Variants in DCDC1 observed in about 807,000 individuals in gnomAD.
DCDC1 encodes doublecortin domain containing 1.
In DCDC1, 200 loss-of-function variants were observed where a neutral mutation model predicts 178.3. The observed-to-expected ratio is 1.12, with a 90% confidence interval of 1.00 to 1.26. DCDC1 has a LOEUF of 1.26. Ranked by LOEUF, DCDC1 falls within the 50% of genes most tolerant of loss-of-function variation. DCDC1 has a pLI of 0.00. For missense variants in DCDC1, 1,983 were observed against 1,749.2 expected, an observed-to-expected ratio of 1.13 and a Z score of -2.38; for synonymous variants, 690 against 604.8, an observed-to-expected ratio of 1.14 and a Z score of -2.07.
chr11:31,141,048 TG>T (rs1370980434), intron 9 of DCDC1, among the ~76,000 whole-genome samples: 1 of 151,892 alleles, frequency 6.6e-6, no homozygotes, highest in African/African-American at 2.4e-5. Flanking sequence ...GAGGGGAAAA[TG>T]GACTCAAGAC....
chr11:30,983,735 T>C (rs1217666244), intron 20 of DCDC1, among the ~76,000 whole-genome samples: 5 of 152,218 alleles, frequency 3.3e-5, no homozygotes, highest in Admixed American at 2.0e-4. Flanking sequence ...TTTCACATTA[T>C]ATCTTTAAAA....
intron 9 of DCDC1, among the ~76,000 whole-genome samples, chr11:31,183,825 T>C (rs2136302495): frequency 6.6e-6 from 1 of 152,200 alleles, no homozygotes; most frequent in East Asian, 1.9e-4. Context: ...TGTTCATGGA[T>C]AGGAAGAATC....
chr11:30,953,462 A>T (rs1248774946), intron 20 of DCDC1, among the ~76,000 whole-genome samples: 4 of 151,870 alleles, frequency 2.6e-5, no homozygotes, highest in African/African-American at 9.7e-5. Context: ...ATATCCAAAG[A>T]TAAATTTATA....
intron 18 of DCDC1, among the ~76,000 whole-genome samples, chr11:31,065,493 T>C (rs991611870): frequency 1.3e-5 from 2 of 152,142 alleles, no homozygotes; most frequent in African/African-American, 4.8e-5. Context: ...AACACATGTA[T>C]GTAATTGTGT....
At chr11:31,340,181 G>A (rs1950470620) in intron 1 of DCDC1, among the ~76,000 whole-genome samples, 1 of 151,926 alleles carries the variant, frequency 6.6e-6, no homozygotes, top group Non-Finnish European at 1.5e-5. Flanking sequence ...TTTAAAATCT[G>A]TGCCTAAAAG....
Position 31,064,480 on chromosome 11 carries a change from A to C in DCDC1, c.2580T>G (p.Ala860=). The C allele has an allele frequency of 1.3e-6, 1 of 765,386 alleles. No individual in the cohort carries two copies. The highest frequency in any genetic ancestry group is 2.4e-5 in the East Asian group (1 of 41,218). 47.4% of individuals were successfully genotyped at this position (765,386 alleles called of 1,614,324 possible). ...TGTCAGTACCCTACCTCTGAGCAGA[A>C]GCCTTAGGATGTTTCTCTTCCAGTT... ...VRKLEEKHPK[A]SAQRWAIKHE... The change falls in exon 20 of 39, where the codon GCT becomes GCG. Residue 860 remains alanine (A), a synonymous_variant. Coordinates refer to ENST00000684477, the MANE Select transcript of DCDC1 (RefSeq NM_001387274.1).
chr11:30,895,943 G>A (rs770805972), intron 34 of DCDC1, among the ~76,000 whole-genome samples: 1 of 152,090 alleles, frequency 6.6e-6, no homozygotes, highest in Non-Finnish European at 1.5e-5. Flanking sequence ...CTCAACTACA[G>A]AGAGTTCAGC....
At chr11:31,311,976 T>C (rs1179870528) in intron 3 of DCDC1, among the ~76,000 whole-genome samples, 1 of 152,006 alleles carries the variant, frequency 6.6e-6, no homozygotes. Context: ...CTCAGAGTGT[T>C]CCCAAAGATT....
intron 9 of DCDC1, among the ~76,000 whole-genome samples, chr11:31,208,507 C>T (rs1295734461): frequency 6.6e-6 from 1 of 152,182 alleles, no homozygotes; most frequent in East Asian, 1.9e-4. Context: ...TGTCTCCGCT[C>T]ATCCTACAAT....
At chr11:31,278,874 T>C (rs1946192922) in intron 7 of DCDC1, among the ~76,000 whole-genome samples, 1 of 152,128 alleles carries the variant, frequency 6.6e-6, no homozygotes, top group Non-Finnish European at 1.5e-5. Context: ...TCAGGTAGTA[T>C]AAATCCTCCA....
chr11:31,079,404 C>T (rs1957047611), intron 17 of DCDC1, among the ~76,000 whole-genome samples: 1 of 152,132 alleles, frequency 6.6e-6, no homozygotes, highest in Admixed American at 6.6e-5. Context: ...TCATATCCTT[C>T]ATAATAAACT....
intron 20 of DCDC1, among the ~76,000 whole-genome samples, chr11:31,011,354 G>A (rs914114647): frequency 6.6e-6 from 1 of 152,060 alleles, no homozygotes; most frequent in African/African-American, 2.4e-5. Context: ...ACAAAAACAA[G>A]TTTTGGAGAA....
chr11:31,133,976 T>G (rs1049970387), intron 10 of DCDC1, among the ~76,000 whole-genome samples: 1 of 152,222 alleles, frequency 6.6e-6, no homozygotes, highest in African/African-American at 2.4e-5. Flanking sequence ...GTGCTGGGAC[T>G]ACAGGCGTGA....
intron 20 of DCDC1, among the ~76,000 whole-genome samples, chr11:30,964,394 T>C (rs1949300877): frequency 1.3e-5 from 2 of 152,174 alleles, no homozygotes; most frequent in Admixed American, 1.3e-4. Context: ...GAAGTTCCAC[T>C]GTCATGGCTC....
At chr11:31,205,321 T>A (rs2136468373) in intron 9 of DCDC1, among the ~76,000 whole-genome samples, 1 of 152,304 alleles carries the variant, frequency 6.6e-6, no homozygotes, top group African/African-American at 2.4e-5. Flanking sequence ...CCTAAAATAT[T>A]ACTATCCAAG....
intron 25 of DCDC1, 25 bp from the exon 26 acceptor site, chr11:30,917,053 A>C (rs762120875): frequency 6.4e-7 from 1 of 1,565,372 alleles, no homozygotes; most frequent in Non-Finnish European, 8.6e-7. Context: ...AAGCAAACAT[A>C]AGTCTAAGAA....
intron 9 of DCDC1, among the ~76,000 whole-genome samples, chr11:31,225,431 G>A: frequency 6.6e-6 from 1 of 151,656 alleles, no homozygotes; most frequent in Admixed American, 6.6e-5. Flanking sequence ...AAACTGCTCA[G>A]GTGACAGGTG....
chr11:30,897,304 C>T (rs1944301270), intron 34 of DCDC1, among the ~76,000 whole-genome samples: 1 of 152,014 alleles, frequency 6.6e-6, no homozygotes, highest in South Asian at 2.1e-4. Flanking sequence ...TTTTAAAATA[C>T]TTGGCCGGAC....
At position 31,305,709 on chromosome 11, in the gene DCDC1, G is replaced by C. The variant is rs781036122; in HGVS notation, c.660C>G (p.Gly220=). ...MAARRVFLAD[G]KEALEPEDIP... is the part of the protein sequence containing the mutation. ...TATCTTCAGGTTCGAGGGCTTCCTT[G>C]CCGTCTGCCAAGAACACTCGTCTTG... The change falls in exon 6 of 39, where the codon GGC becomes GGG. Residue 220 remains glycine (G), a synonymous_variant. Coordinates refer to ENST00000684477, the MANE Select transcript of DCDC1 (RefSeq NM_001387274.1). The C allele has an allele frequency of 1.2e-6, 2 of 1,613,754 alleles. No homozygotes were observed. Among genetic ancestry groups the C allele is most frequent in the East Asian group, 2.2e-5 (1 of 44,862 alleles).
Sources: allele counts gnomAD v4.1 joint callset (sites outside exome capture counted in the v4.1 genomes callset), GRCh38; gene constraint gnomAD v4.1.1; transcripts MANE v1.5; gene names NCBI Gene and HGNC (gene_info 2026-07-23, HGNC 2026-07-21).